PTRH1: variants seen among roughly 807,000 people sequenced by gnomAD.
PTRH1 encodes peptidyl-tRNA hydrolase 1 homolog.
A neutral mutation model predicts 15.7 loss-of-function variants in PTRH1; 13 were observed. The observed-to-expected ratio is 0.83, with a 90% CI of 0.54 to 1.31. The LOEUF is 1.31. PTRH1 is among the 40% of genes most tolerant of loss of function. The probability of loss-of-function intolerance (pLI) is 0.00; values close to 1 mark genes in which losing one functional copy is unlikely to be tolerated. For missense variants in PTRH1, 319 were observed against 296.2 expected, an observed-to-expected ratio of 1.08 and a Z score of -0.56; for synonymous variants, 139 against 136.7, an observed-to-expected ratio of 1.02 and a Z score of -0.12.
downstream of PTRH1, chr9:127,713,789 G>A (rs765526862): frequency 2.3e-5 from 35 of 1,536,360 alleles, no homozygotes; most frequent in Non-Finnish European, 3.0e-5. Flanking sequence ...TTATAGGTGT[G>A]AGCCACTGCA....
chr9:127,712,636 G>A (rs754409036), downstream of PTRH1: 8 of 1,612,038 alleles, frequency 5.0e-6, no homozygotes, highest in South Asian at 7.7e-5. Context: ...TGGGCACTGA[G>A]GTTGGAATTT....
rs1842577079 is a variant in PTRH1 at position 127,698,161 on chromosome 9, C to T, written c.206-3020G>A. On this transcript the variant is annotated intron_variant, in intron 1 of 2. Transcript: ENST00000335223. ...TGTAGTCCTAACTACTTGGGAGGCT[C>T]AGGTGGCAGGATGGTTTGAGTCCAG... Among the ~76,000 whole-genome samples the T allele has an allele frequency of 2.0e-5, 3 of 151,884 alleles. No homozygotes were observed. In the South Asian group the frequency reaches 6.2e-4, roughly 32 times the overall value.
At chr9:127,698,381 T>G (rs983377568) in intron 1 of PTRH1, among the ~76,000 whole-genome samples, 2 of 152,168 alleles carry the variant, frequency 1.3e-5, no homozygotes, top group African/African-American at 2.4e-5. Flanking sequence ...CCTATTAGAA[T>G]GGCTACTAGA....
chr9:127,697,753 G>A (rs1377165097), intron 1 of PTRH1, among the ~76,000 whole-genome samples: 2 of 152,238 alleles, frequency 1.3e-5, no homozygotes, highest in Admixed American at 6.5e-5. Context: ...GAAGGACACT[G>A]TCAACACATG....
chr9:127,697,037 C>T (rs1842567094), intron 1 of PTRH1, among the ~76,000 whole-genome samples: 1 of 152,150 alleles, frequency 6.6e-6, no homozygotes, highest in Non-Finnish European at 1.5e-5. Context: ...TTGGATTTTC[C>T]TGGGCCAGTG....
downstream of PTRH1, chr9:127,712,445 C>A: frequency 2.0e-6 from 3 of 1,504,352 alleles, no homozygotes; most frequent in Non-Finnish European, 2.7e-6. Flanking sequence ...GGATCAGAGG[C>A]CCCTCTTTTC....
downstream of PTRH1, chr9:127,712,608 G>A (rs1157349335): frequency 1.9e-6 from 3 of 1,598,242 alleles, no homozygotes; most frequent in Non-Finnish European, 2.6e-6. Flanking sequence ...ACCACAGACA[G>A]GGAAAACTTC....
intron 1 of PTRH1, among the ~76,000 whole-genome samples, chr9:127,701,964 G>A (rs1030459637): frequency 6.6e-6 from 1 of 151,980 alleles, no homozygotes; most frequent in African/African-American, 2.4e-5. Context: ...ACTCATGCCT[G>A]TAATCTCGAC....
downstream of PTRH1, chr9:127,713,727 G>C: frequency 2.2e-6 from 2 of 889,890 alleles, no homozygotes; most frequent in South Asian, 1.4e-5. Context: ...GGCTGGTCTC[G>C]AACTCCTGAC....
At chr9:127,709,360 C>A (rs760695899), downstream of PTRH1, 668 of 1,553,514 alleles carry the variant, frequency 4.3e-4, no homozygotes, top group Non-Finnish European at 5.6e-4. This position sits in a 1 kb window ranked among gnomAD's most constrained non-coding sequence, Gnocchi z 4.7. Flanking sequence ...GTGGGCCCAG[C>A]TGCACCAGAG....
intron 2 of PTRH1, 50 bp from the exon 3 acceptor site, chr9:127,714,752 G>A: frequency 4.7e-6 from 7 of 1,482,306 alleles, no homozygotes; most frequent in South Asian, 1.2e-5. Flanking sequence ...TGCCCAGAGA[G>A]GCACTGTCCC....
rs1246152791 is a variant in PTRH1 at position 127,714,692 on chromosome 9, A to G, written c.327T>C (p.Phe109=). The part of the protein sequence containing the change: ...GRSVARAAEL[F]GLTAEEVYLV... ...GGTAGACTTCCTCGGCAGTCAGCCC[A>G]AACAGCTCCGCTTAGCACAGGGAAA... is the stretch of plus-strand genomic sequence containing the variant. The change falls in exon 3 of 5, where the codon TTT becomes TTC. Residue 109 remains phenylalanine (F), a synonymous_variant. Transcript: ENST00000543175. 2 of 1,612,238 alleles carry G rather than the reference A, an allele frequency of 1.2e-6. No individual in the cohort carries two copies. Among genetic ancestry groups the G allele is most frequent in the African/African-American group, 2.7e-5 (2 of 74,848 alleles).
downstream of PTRH1, chr9:127,712,000 G>C: frequency 8.3e-6 from 13 of 1,569,090 alleles, no homozygotes; most frequent in Non-Finnish European, 1.0e-5. Context: ...CTGGGGCCAA[G>C]CTCTGGCCCA....
chr9:127,713,371 G>A (rs762031319), downstream of PTRH1: 4 of 575,652 alleles, frequency 6.9e-6, no homozygotes, highest in Non-Finnish European at 1.2e-5. Flanking sequence ...AAGCCTCAAT[G>A]GGCCAAAGCA....
At chr9:127,698,692 T>G (rs10123531) in intron 1 of PTRH1, among the ~76,000 whole-genome samples, 36,120 of 152,002 alleles carry the variant, frequency 0.24, 6,930 homozygotes, top group African/African-American at 0.53. Flanking sequence ...ATAAAAATGG[T>G]TGGGGCAAAT....
chr9:127,700,959 C>T (rs1032091338), intron 1 of PTRH1, among the ~76,000 whole-genome samples: 6 of 152,198 alleles, frequency 3.9e-5, no homozygotes, highest in African/African-American at 1.4e-4. Flanking sequence ...GCCCTTTCAA[C>T]GAATAGGGCC....
At chr9:127,704,898 G>A (rs1842631044) in intron 1 of PTRH1, among the ~76,000 whole-genome samples, 1 of 151,858 alleles carries the variant, frequency 6.6e-6, no homozygotes, top group Non-Finnish European at 1.5e-5. Context: ...ACAGGCGGAT[G>A]CCACCAGGCC....
intron 1 of PTRH1, among the ~76,000 whole-genome samples, chr9:127,696,883 C>T (rs149318707): frequency 1.8e-3 from 267 of 151,974 alleles, no homozygotes; most frequent in African/African-American, 6.0e-3. Context: ...AAAACATTCT[C>T]GGTATAAGCA....
chr9:127,713,186 C>G (rs750433288), downstream of PTRH1: 2 of 1,561,122 alleles, frequency 1.3e-6, no homozygotes, highest in South Asian at 1.2e-5. Flanking sequence ...GGGGACCTTC[C>G]GGGCACACAG....
Sources: gnomAD v4.1 joint callset for allele counts (sites outside exome capture counted in the v4.1 genomes callset) on GRCh38, gnomAD v4.1.1 for gene constraint, Gnocchi (gnomAD v3.1) non-coding constraint, MANE v1.5 for transcripts, NCBI Gene and HGNC (gene_info 2026-07-23, HGNC 2026-07-21) for gene names.